Variants in CSMD1 observed in about 807,000 individuals in gnomAD.
The protein encoded by CSMD1 is CUB and sushi domain-containing protein 1.
A neutral mutation model predicts 417.5 loss-of-function variants in CSMD1; 213 were observed. The ratio of observed to expected loss-of-function variants is 0.51; its 90% confidence interval spans 0.46 to 0.57. The LOEUF (loss-of-function observed/expected upper bound fraction) is 0.57, where lower values mean the gene tolerates loss of function less well. Among genes scored for constraint, CSMD1 ranks in the 20% least tolerant of loss-of-function variants. The pLI, the probability that CSMD1 is intolerant of heterozygous loss-of-function variation, is 0.00. For missense variants in CSMD1, 6,923 were observed against 4,529.7 expected (o/e 1.53, Z -15.17); for synonymous variants, 2,862 against 1,736.8 (o/e 1.65, Z -16.11).
intron 5 of CSMD1, among the ~76,000 whole-genome samples, chr8:3,927,825 C>T (rs944136897): frequency 2.0e-5 from 3 of 152,122 alleles, no homozygotes; most frequent in Non-Finnish European, 2.9e-5. Context: ...AAATATGTCT[C>T]TCAGTGATGT....
At chr8:3,502,171 TG>T (rs138309829) in intron 10 of CSMD1, among the ~76,000 whole-genome samples, 3,291 of 152,100 alleles carry the variant, frequency 0.022, 88 homozygotes, top group East Asian at 0.11. Context: ...GAGACCATAC[TG>T]GCTAACGTGG....
At chr8:4,563,087 G>C (rs2693794) in intron 2 of CSMD1, among the ~76,000 whole-genome samples, 70,020 of 151,824 alleles carry the variant, frequency 0.46, 17,361 homozygotes, top group South Asian at 0.57. Flanking sequence ...ATGAATCTGG[G>C]TTTCTGGAAT....
chr8:3,985,497 T>A (rs1369937077), intron 5 of CSMD1, among the ~76,000 whole-genome samples: 1 of 152,072 alleles, frequency 6.6e-6, no homozygotes, highest in African/African-American at 2.4e-5. Flanking sequence ...GAAGTCTCCA[T>A]CCCAAATGTT....
chr8:3,574,168 T>C (rs571979594), intron 10 of CSMD1, among the ~76,000 whole-genome samples: 2 of 152,358 alleles, frequency 1.3e-5, no homozygotes, highest in African/African-American at 4.8e-5. Context: ...CTCAGATGTT[T>C]AATTCTTGAA....
At chr8:3,126,952 C>G (rs114464770) in intron 41 of CSMD1, among the ~76,000 whole-genome samples, 2 of 152,102 alleles carry the variant, frequency 1.3e-5, no homozygotes, top group Non-Finnish European at 2.9e-5. Context: ...TACTGATGCA[C>G]GCTGAGAACG....
intron 7 of CSMD1, among the ~76,000 whole-genome samples, chr8:3,648,174 T>G (rs553576554): frequency 6.6e-6 from 1 of 152,346 alleles, no homozygotes; most frequent in East Asian, 1.9e-4. Flanking sequence ...TACCATATCT[T>G]AAAAATGTAC....
At chr8:4,296,647 C>G (rs1416745811) in intron 3 of CSMD1, among the ~76,000 whole-genome samples, 2 of 146,780 alleles carry the variant, frequency 1.4e-5, no homozygotes, top group African/African-American at 5.0e-5. Flanking sequence ...ACTATTAACT[C>G]GTATGTGGAG....
chr8:3,667,321 G>C (rs569070115), intron 7 of CSMD1, among the ~76,000 whole-genome samples: 1 of 152,254 alleles, frequency 6.6e-6, no homozygotes, highest in African/African-American at 2.4e-5. Flanking sequence ...AAAAGAGAGT[G>C]AAGGGGTGGC....
intron 10 of CSMD1, among the ~76,000 whole-genome samples, chr8:3,549,524 C>A (rs1478707844): frequency 1.3e-5 from 2 of 152,174 alleles, no homozygotes; most frequent in African/African-American, 4.8e-5. Context: ...GCTCTCCTTT[C>A]TTGGATGGAT....
intron 3 of CSMD1, among the ~76,000 whole-genome samples, chr8:4,279,207 AAC>A (rs111435983): frequency 1.3e-5 from 2 of 151,944 alleles, no homozygotes; most frequent in Non-Finnish European, 2.9e-5. Context: ...TATACACACT[AAC>A]ACACACACAC....
At chr8:4,696,418 G>C (rs1255144938) in intron 1 of CSMD1, among the ~76,000 whole-genome samples, 1 of 152,222 alleles carries the variant, frequency 6.6e-6, no homozygotes, top group East Asian at 1.9e-4. Flanking sequence ...GAAACATCCT[G>C]CTTCTCCTAT....
At chr8:3,339,016 T>C (rs1170779228) in intron 23 of CSMD1, among the ~76,000 whole-genome samples, 1 of 126,278 alleles carries the variant, frequency 7.9e-6, no homozygotes, top group South Asian at 2.6e-4. Flanking sequence ...CCCCTGAGTG[T>C]GATATTCCCC....
At chr8:4,642,615 C>T (rs189849582) in intron 1 of CSMD1, among the ~76,000 whole-genome samples, 3 of 152,284 alleles carry the variant, frequency 2.0e-5, no homozygotes, top group South Asian at 2.1e-4. Flanking sequence ...GCTGGGTGGG[C>T]ATTCTCAGAA....
intron 1 of CSMD1, among the ~76,000 whole-genome samples, chr8:4,851,902 T>C (rs73659214): frequency 6.6e-6 from 1 of 152,142 alleles, no homozygotes; most frequent in Non-Finnish European, 1.5e-5. Context: ...AAATTTATAC[T>C]CATTTGCTAT....
intron 4 of CSMD1, among the ~76,000 whole-genome samples, chr8:4,007,918 A>T (rs183058580): frequency 6.6e-6 from 1 of 152,214 alleles, no homozygotes; most frequent in Admixed American, 6.5e-5. Flanking sequence ...AAAGTAGTCT[A>T]TAAAAACTGC....
chr8:3,557,092 C>T (rs1412791473), intron 10 of CSMD1, among the ~76,000 whole-genome samples: 9 of 152,300 alleles, frequency 5.9e-5, no homozygotes, highest in Admixed American at 3.9e-4. Context: ...ACAATACAGG[C>T]GGCCAAATCC....
rs572075580 is a variant in CSMD1 at position 4,857,273 on chromosome 8, A to G, written c.85+137059T>C. ...CTGGGACGCATTCAAAGCAGTGTGT[A>G]GAGGAAAATTTATAGCACTAAATGC... On this transcript the variant is annotated intron_variant, in intron 1 of 69. Transcript: ENST00000635120. 3.0e-3 allele frequency among the ~76,000 whole-genome samples: 441 copies of G among 146,996 alleles called. 1 individual carries two copies. The highest frequency in any genetic ancestry group is 1.0e-2 in the African/African-American group (400 of 40,006).
chr8:4,710,392 A>T (rs1808211352), intron 1 of CSMD1, among the ~76,000 whole-genome samples: 1 of 147,732 alleles, frequency 6.8e-6, no homozygotes, highest in Admixed American at 6.8e-5. Context: ...ATAAAAATAT[A>T]TTATTAAATA....
chr8:4,833,566 A>G (rs1001735441), intron 1 of CSMD1, among the ~76,000 whole-genome samples: 2 of 152,238 alleles, frequency 1.3e-5, no homozygotes. Flanking sequence ...TCATTATAAT[A>G]AACTGTGATA....
Sources: gnomAD v4.1 joint callset for allele counts (sites outside exome capture counted in the v4.1 genomes callset) on GRCh38, gnomAD v4.1.1 for gene constraint, MANE v1.5 for transcripts, NCBI Gene and HGNC (gene_info 2026-07-23, HGNC 2026-07-21) for gene names.